PLEC: variants seen among roughly 807,000 people sequenced by gnomAD.
PLEC encodes the protein hemidesmosomal protein 1.
Under a neutral mutation model 392.8 loss-of-function variants are expected in PLEC, and 216 were observed. The observed-to-expected ratio is 0.55, with a 90% CI of 0.49 to 0.62. PLEC has a LOEUF of 0.62. Ranked by LOEUF, PLEC falls within the 20% of genes least tolerant of loss-of-function variation. The probability of loss-of-function intolerance (pLI) is 0.00; values close to 1 mark genes in which losing one functional copy is unlikely to be tolerated. For missense variants in PLEC, 6,863 were observed against 6,563.4 expected (o/e 1.05, Z -1.58); for synonymous variants, 3,621 against 2,980.6 (o/e 1.21, Z -7.00).
chr8:143,962,563 T>C (rs1832917024), intron 1 of PLEC, among the ~76,000 whole-genome samples: 1 of 152,134 alleles, frequency 6.6e-6, no homozygotes, highest in Non-Finnish European at 1.5e-5. Context: ...AGCTGGGACA[T>C]CTTGAGGCAC....
rs1216356360 is a variant in PLEC, at chr8:143,939,165, G to GC, written c.112+184dup. Among the ~76,000 whole-genome samples, 10 of 152,192 alleles carry GC rather than the reference G, an allele frequency of 6.6e-5. No individual in the cohort carries two copies. In the East Asian group the frequency reaches 1.9e-3, roughly 29 times the overall value. On this transcript the variant is annotated intron_variant, in intron 1 of 31. Transcript: ENST00000345136. ...CAGGCCCGACATCTGACGCTCGGAGGCCCCCGTCAGCCTCGCGGGCGCCTG... is the reference window on the plus strand; with the variant it reads ...CAGGCCCGACATCTGACGCTCGGAGGCCCCCCGTCAGCCTCGCGGGCGCCTG...
rs1554683915 is a variant in PLEC, at chr8:143,921,056, AC to A, written c.8764del (p.Val2922Ter). On this transcript the variant is annotated frameshift_variant, in exon 32 of 32. Coordinates refer to ENST00000345136, the MANE Select transcript of PLEC (RefSeq NM_201384.3). LOFTEE classifies it high-confidence loss of function. ...CGAGTTGATGATCTCCCAAATGGTC[AC>A]CGTCTTGCCCTGGAACTTGCCGAAC... The part of the protein sequence containing the change: ...APFGKFQGKT[V>X]TIWEIINSEY... 6.2e-7 allele frequency: 1 copy of A among 1,612,190 alleles called. No homozygotes were observed. The highest frequency in any genetic ancestry group is 2.2e-5 in the East Asian group (1 of 44,882).
Position 143,919,076 on chromosome 8 carries a change from C to T in PLEC, c.10745G>A (p.Gly3582Asp), listed in dbSNP as rs1554677063. 1.9e-6 allele frequency: 3 copies of T among 1,611,324 alleles called. No homozygotes were observed. Among genetic ancestry groups the T allele is most frequent in the East Asian group, 4.5e-5 (2 of 44,880 alleles). Residue 3582 changes from glycine (G) to aspartate (D), a missense_variant, in exon 32 of 32, where the codon GGC (glycine) becomes GAC (aspartate). By Grantham distance (94) the Gly-to-Asp change is moderately conservative. Coordinates refer to ENST00000345136, the MANE Select transcript of PLEC (RefSeq NM_201384.3). ...IDIPGGGSHG[G>D]STMSLWEVMQ... ...CACCTCCCACAGGGACATGGTGGAGCCGCCGTGGCTGCCGCCGCCGGGAAT... is the reference window on the plus strand; with the variant it reads ...CACCTCCCACAGGGACATGGTGGAGTCGCCGTGGCTGCCGCCGCCGGGAAT...
chr8:143,929,174 C>T lies in PLEC; in HGVS notation c.3189G>A (p.Leu1063=). 1 of 1,596,654 alleles carries T rather than the reference C, an allele frequency of 6.3e-7. No homozygotes were observed. The highest frequency in any genetic ancestry group is 8.5e-7 in the Non-Finnish European group (1 of 1,173,732). The change falls in exon 25 of 32, where the codon CTG becomes CTA. Residue 1063 remains leucine, a synonymous_variant. Transcript: ENST00000345136. ...CCAGCGTCAGCTCCAGCTCCGAGCG[C>T]AGCGTGGGGGCCGCAGGCGATGGCT... The part of the protein sequence containing the change: ...LPEPSPAAPT[L]RSELELTLGK...
upstream of PLEC, among the ~76,000 whole-genome samples, chr8:143,952,360 G>T (rs1295472688): frequency 6.6e-6 from 1 of 152,168 alleles, no homozygotes; most frequent in Non-Finnish European, 1.5e-5. Flanking sequence ...CCAGCCCCAG[G>T]CAGGAAAAGG....
chr8:143,950,787 G>A lies in PLEC; in HGVS notation c.-81C>T, dbSNP rs148611762. On this transcript the variant is annotated 5_prime_UTR_variant, in exon 1 of 32. Coordinates refer to the PLEC transcript ENST00000322810. ...GAGAAGGCCCGGGGCGCTGCGAGAA[G>A]CTCCCGCGCTACAGGGTGTGACAGC... 3.5e-3 allele frequency: 5,419 copies of A among 1,527,814 alleles called. 12 individuals carry two copies. Among genetic ancestry groups the A allele is most frequent in the Non-Finnish European group, 4.5e-3 (5,094 of 1,142,706 alleles). The allele number at this position is 1,527,814 out of a possible 1,614,324, so 94.6% of individuals were successfully genotyped here. A position where few individuals can be genotyped will look rare whatever the true frequency, so the allele number is the denominator to read the frequency against.
At chr8:143,940,847 G>C (rs561128049), upstream of PLEC, among the ~76,000 whole-genome samples, 2 of 152,226 alleles carry the variant, frequency 1.3e-5, no homozygotes, top group East Asian at 3.9e-4. Flanking sequence ...CAGCCCCTAG[G>C]GCTCTGCCAC....
chr8:143,939,446 G>A lies in PLEC; in HGVS notation c.16C>T (p.Leu6Phe). The stretch of plus-strand genomic sequence containing the variant: ...AGGCCCTCGGGCTGCGGCACGCGGA[G>A]CTGGTGCTGAGACATGCTGCCCCCA... The part of the protein sequence containing the change: MSQHQ[L>F]RVPQPEGLGR... Residue 6 changes from leucine to phenylalanine, a missense_variant, in exon 1 of 32, where the codon CTC (leucine) becomes TTC (phenylalanine). Coordinates refer to ENST00000345136, the MANE Select transcript of PLEC (RefSeq NM_201384.3). 6.2e-7 allele frequency: 1 copy of A among 1,611,836 alleles called. No homozygotes were observed. The highest frequency in any genetic ancestry group is 8.5e-7 in the Non-Finnish European group (1 of 1,179,614).
At chr8:143,935,710 A>C in intron 6 of PLEC, 138 bp downstream of exon 6, 2 of 918,588 alleles carry the variant, frequency 2.2e-6, no homozygotes, top group Non-Finnish European at 3.4e-6. Context: ...CCTGAACTCC[A>C]CCACCCCGAG....
At position 143,922,314 on chromosome 8, in the gene PLEC, G is replaced by A. The variant is rs1331381213; in HGVS notation, c.7507C>T (p.Leu2503=). Reference sequence around the variant, plus strand: ...TGCTCGATGAAGCGCTCCCGCTGTAGCAGGCTGTCCTTTTCAGAGAGGAAG... The same window carrying A: ...TGCTCGATGAAGCGCTCCCGCTGTAACAGGCTGTCCTTTTCAGAGAGGAAG... The part of the protein sequence containing the change: ...QSFLSEKDSL[L]QRERFIEQEK... The change falls in exon 32 of 32, where the codon CTA becomes TTA. Residue 2503 remains leucine, a synonymous_variant. Transcript: ENST00000345136. 1.2e-6 allele frequency: 2 copies of A among 1,607,668 alleles called. No homozygotes were observed. The highest frequency in any genetic ancestry group is 1.7e-6 in the Non-Finnish European group (2 of 1,179,948).
upstream of PLEC, among the ~76,000 whole-genome samples, chr8:143,974,812 G>A (rs1256201512): frequency 1.3e-5 from 2 of 152,164 alleles, no homozygotes; most frequent in Non-Finnish European, 2.9e-5. The surrounding 1 kb of genome is among the most constrained non-coding windows in gnomAD (Gnocchi z 5.9). Context: ...AGACAACCAG[G>A]TACCCCCTCC....
At chr8:143,950,550 C>A (rs782817905) in exon 1 of PLEC, 8 of 1,608,128 alleles carry the variant, frequency 5.0e-6, no homozygotes, top group Middle Eastern at 1.6e-4. Flanking sequence ...CGCAGGGACG[C>A]CATGGCACGC....
Position 143,932,041 on chromosome 8 carries a change from C to A in PLEC, c.2083-9G>T. On this transcript the variant is annotated splice_polypyrimidine_tract_variant and intron_variant, in intron 17 of 31. Coordinates refer to ENST00000345136, the MANE Select transcript of PLEC (RefSeq NM_201384.3). Reference sequence around the variant, plus strand: ...AGGGCCGCCTGGAAGGACTGCGGGACAGCAGGTCCCGGTCAGGCCCCGCCC... The same window carrying A: ...AGGGCCGCCTGGAAGGACTGCGGGAAAGCAGGTCCCGGTCAGGCCCCGCCC... The A allele has an allele frequency of 6.3e-7, 1 of 1,584,642 alleles. No homozygotes were observed. Among genetic ancestry groups the A allele is most frequent in the African/African-American group, 1.3e-5 (1 of 74,662 alleles).
intron 1 of PLEC, among the ~76,000 whole-genome samples, chr8:143,966,609 G>A (rs1337513632): frequency 1.3e-5 from 2 of 151,322 alleles, no homozygotes; most frequent in African/African-American, 4.9e-5. Flanking sequence ...CCCAACGCTT[G>A]TTTCAAGCCA....
At chr8:143,926,298 C>T (rs1182050076) in intron 30 of PLEC, among the ~76,000 whole-genome samples, 4 of 152,248 alleles carry the variant, frequency 2.6e-5, no homozygotes, top group South Asian at 2.1e-4. Context: ...CTGGGTGGGG[C>T]GGGGTGAGGC....
upstream of PLEC, chr8:143,942,671 CCCAGA>C: frequency 9.8e-7 from 1 of 1,023,702 alleles, no homozygotes; most frequent in South Asian, 1.8e-5. Context: ...GGGAGCGAGG[CCCAGA>C]CCCAAAGAAC....
Position 143,921,701 on chromosome 8 carries a change from T to C in PLEC, c.8120A>G (p.Asn2707Ser), listed in dbSNP as rs782802158. ...SIAGLLLKAT[N>S]EKLSVYAALQ... ...GGCGGCGTAAACACTCAGCTTCTCATTGGTGGCCTTCAGCAACAGCCCTGC... is the reference window on the plus strand; with the variant it reads ...GGCGGCGTAAACACTCAGCTTCTCACTGGTGGCCTTCAGCAACAGCCCTGC... Residue 2707 changes from asparagine to serine, a missense_variant, in exon 32 of 32, where the codon AAT becomes AGT. Coordinates refer to ENST00000345136, the MANE Select transcript of PLEC (RefSeq NM_201384.3). 1.5e-5 allele frequency: 25 copies of C among 1,612,950 alleles called. No homozygotes were observed. In the African/African-American group the frequency reaches 1.7e-4, roughly 11 times the overall value.
chr8:143,942,634 A>G, upstream of PLEC: 2 of 1,220,034 alleles, frequency 1.6e-6, no homozygotes, highest in Non-Finnish European at 2.2e-6. Context: ...CACCTCTTCC[A>G]CCTCCCCCCC....
At chr8:143,930,605 AC>A (rs1826953900) in intron 19 of PLEC, 69 bp from the exon 20 acceptor site, 1 of 1,511,676 alleles carries the variant, frequency 6.6e-7, no homozygotes, top group Non-Finnish European at 8.9e-7. Context: ...GCACCCCCAG[AC>A]CCCGGGACCA....
Sources: gnomAD v4.1 joint callset for allele counts (sites outside exome capture counted in the v4.1 genomes callset) on GRCh38, gnomAD v4.1.1 for gene constraint, Gnocchi (gnomAD v3.1) non-coding constraint, MANE v1.5 for transcripts, NCBI Gene and HGNC (gene_info 2026-07-23, HGNC 2026-07-21) for gene names.